Variants in GMDS observed in about 807,000 individuals in gnomAD.
The protein encoded by GMDS is GDP-mannose 4,6 dehydratase.
GMDS carries 20 observed loss-of-function variants against 49.9 expected under a neutral mutation model. That is an observed-to-expected ratio of 0.40 (90% CI 0.28 to 0.58). The LOEUF is 0.58. Among genes scored for constraint, GMDS ranks in the 20% least tolerant of loss-of-function variants. GMDS has a pLI of 0.42. For missense variants in GMDS, 362 were observed against 481.4 expected, an observed-to-expected ratio of 0.75 and a Z score of 2.32; for synonymous variants, 177 against 178.6, an observed-to-expected ratio of 0.99 and a Z score of 0.07.
In GMDS at chr6:2,243,838, T is replaced by C. The variant is rs550416613; in HGVS notation, c.102+1483A>G. ...TGTGCATCTGGCCAATTTCAACTTC[T>C]CCTTCTTTTTTTTTTTTTTTTTTTT... is the stretch of plus-strand genomic sequence containing the variant. On this transcript the variant is annotated intron_variant, in intron 1 of 10. Transcript: ENST00000380815. Among the ~76,000 whole-genome samples, 171 of 138,614 alleles carry C rather than the reference T, an allele frequency of 1.2e-3. 1 individual carries two copies. In the Middle Eastern group the frequency reaches 0.036, roughly 30 times the overall value. The allele number at this position is 138,614 out of a possible 152,430, so 90.9% of individuals were successfully genotyped here.
At chr6:1,930,779 A>G (rs1174403824) in intron 6 of GMDS, 1 of 152,264 alleles carries the variant, frequency 6.6e-6, no homozygotes, top group Non-Finnish European at 1.5e-5. Context: ...TCTTAACAAA[A>G]TAAGTGGTGA....
At chr6:2,028,392 A>G (rs375172816) in intron 4 of GMDS, among the ~76,000 whole-genome samples, 1 of 152,254 alleles carries the variant, frequency 6.6e-6, no homozygotes, top group Non-Finnish European at 1.5e-5. Context: ...TCTAAAATCA[A>G]TTTGACTGGA....
rs112912047 is a variant in GMDS at position 2,096,758 on chromosome 6, T to A, written c.345+19013A>T. Among the ~76,000 whole-genome samples the A allele has an allele frequency of 4.5e-3, 679 of 151,626 alleles. 4 individuals carry two copies. Among genetic ancestry groups the A allele is most frequent in the African/African-American group, 0.016 (662 of 41,292 alleles). ...ATTTGACCTATGCCAAAAAGGGAGG[T>A]TCTCCATTCAAACAGATGGATAAAA... On this transcript the variant is annotated intron_variant, in intron 4 of 10. Coordinates refer to ENST00000380815, the MANE Select transcript of GMDS (RefSeq NM_001500.4).
chr6:1,636,056 T>C (rs1406471250), intron 9 of GMDS, among the ~76,000 whole-genome samples: 1 of 152,152 alleles, frequency 6.6e-6, no homozygotes. Flanking sequence ...ATTCCCAGAA[T>C]GTCAGCGGAA....
At position 1,900,062 on chromosome 6, in the gene GMDS, C is replaced by T. The variant is rs114735974; in HGVS notation, c.771+30041G>A. On this transcript the variant is annotated intron_variant, in intron 7 of 10. Transcript: ENST00000380815. ...CATCTGCCTACACACTCTGAGTCAA[C>T]GTTCAAGGCTTAAGTCACTCTATTT... 5.6e-3 allele frequency among the ~76,000 whole-genome samples: 853 copies of T among 152,348 alleles called. 3 individuals carry two copies. Among genetic ancestry groups the T allele is most frequent in the African/African-American group, 0.02 (829 of 41,576 alleles).
rs1386382721 is a variant in GMDS, at chr6:1,766,777, T to C, written c.772-24191A>G. Among the ~76,000 whole-genome samples, 2 of 152,236 alleles carry C rather than the reference T, an allele frequency of 1.3e-5. No individual in the cohort carries two copies. Among genetic ancestry groups the C allele is most frequent in the Admixed American group, 6.5e-5 (1 of 15,284 alleles). On this transcript the variant is annotated intron_variant, in intron 7 of 10. Transcript: ENST00000380815. The surrounding 1 kb of genome is among the most constrained non-coding windows in gnomAD (Gnocchi z 4.5). ...ATCGAACATGCTAAAAACTGCGTTA[T>C]GTTTTTTAAAAACCCAACAAACTCT...
At chr6:1,781,927 T>C (rs537236184) in intron 7 of GMDS, among the ~76,000 whole-genome samples, 1 of 149,212 alleles carries the variant, frequency 6.7e-6, no homozygotes, top group East Asian at 2.0e-4. Context: ...CGAGCAGGAG[T>C]AAAGTGGGCT....
intron 7 of GMDS, among the ~76,000 whole-genome samples, chr6:1,835,120 A>T (rs1395593894): frequency 3.3e-5 from 5 of 152,184 alleles, no homozygotes; most frequent in Non-Finnish European, 7.3e-5. Context: ...ACACGGGGCA[A>T]ATAACACGGA....
intron 1 of GMDS, among the ~76,000 whole-genome samples, chr6:2,188,662 G>A (rs1044634457): frequency 2.0e-5 from 3 of 152,182 alleles, no homozygotes; most frequent in African/African-American, 7.2e-5. Context: ...TGATTCTCAA[G>A]GAATTTACTG....
At chr6:2,123,162 T>C (rs1775234097) in intron 2 of GMDS, among the ~76,000 whole-genome samples, 1 of 152,082 alleles carries the variant, frequency 6.6e-6, no homozygotes, top group South Asian at 2.1e-4. Flanking sequence ...TGCTTGAGAA[T>C]GGTTGCCATC....
At chr6:1,866,592 T>C (rs1758451585) in intron 7 of GMDS, among the ~76,000 whole-genome samples, 1 of 152,234 alleles carries the variant, frequency 6.6e-6, no homozygotes, top group Non-Finnish European at 1.5e-5. Context: ...CAATTAAACC[T>C]GCTGAGACCA....
chr6:1,674,556 CTCTCTTTTTTTTT>C (rs1236620715), intron 9 of GMDS, among the ~76,000 whole-genome samples: 1 of 85,276 alleles, frequency 1.2e-5, no homozygotes, highest in African/African-American at 3.7e-5. Context: ...CTCTCTCTCT[CTCTCTTTTTTTTT>C]TTTTTTTTTT....
At chr6:2,228,341 C>A (rs2127593466) in intron 1 of GMDS, among the ~76,000 whole-genome samples, 1 of 152,360 alleles carries the variant, frequency 6.6e-6, no homozygotes, top group South Asian at 2.1e-4. Flanking sequence ...CCTCCCCCAC[C>A]TTTATAAGCA....
chr6:1,832,741 A>G (rs1000153492), intron 7 of GMDS, among the ~76,000 whole-genome samples: 5 of 152,194 alleles, frequency 3.3e-5, no homozygotes, highest in African/African-American at 4.8e-5. Context: ...GAACAAAGTG[A>G]GGCCGACACA....
intron 4 of GMDS, among the ~76,000 whole-genome samples, chr6:2,049,061 G>A (rs1191802898): frequency 6.6e-6 from 1 of 152,166 alleles, no homozygotes; most frequent in Non-Finnish European, 1.5e-5. Flanking sequence ...GACACGACAA[G>A]GAAGGAAGCG....
At chr6:1,865,596 C>G (rs1758404175) in intron 7 of GMDS, among the ~76,000 whole-genome samples, 1 of 151,982 alleles carries the variant, frequency 6.6e-6, no homozygotes, top group African/African-American at 2.4e-5. Context: ...CCCTACCAAA[C>G]AAGGAGACCT....
At chr6:1,729,742 C>T (rs1250054350) in intron 8 of GMDS, among the ~76,000 whole-genome samples, 2 of 152,166 alleles carry the variant, frequency 1.3e-5, no homozygotes, top group African/African-American at 4.8e-5. Context: ...TTACTACCCA[C>T]GAATTGAGAT....
intron 7 of GMDS, among the ~76,000 whole-genome samples, chr6:1,898,417 G>A (rs1258845299): frequency 6.6e-6 from 1 of 152,210 alleles, no homozygotes; most frequent in East Asian, 1.9e-4. Context: ...CAGCTCTGGT[G>A]CCAGTATGTT....
intron 8 of GMDS, among the ~76,000 whole-genome samples, chr6:1,737,842 G>A (rs115895015): frequency 2.0e-5 from 1 of 50,354 alleles, no homozygotes. Flanking sequence ...CACACACACA[G>A]ATACGCGCAC....
Sources: gnomAD v4.1 joint callset for allele counts (sites outside exome capture counted in the v4.1 genomes callset) on GRCh38, gnomAD v4.1.1 for gene constraint, Gnocchi (gnomAD v3.1) non-coding constraint, MANE v1.5 for transcripts, NCBI Gene and HGNC (gene_info 2026-07-23, HGNC 2026-07-21) for gene names.